GPC5: variants seen among roughly 807,000 people sequenced by gnomAD.
GPC5 encodes the protein glypican 5, also known as glypican-5.
Under a neutral mutation model 53.9 loss-of-function variants are expected in GPC5, and 47 were observed. That is an observed-to-expected ratio of 0.87 (90% CI 0.69 to 1.11). The LOEUF (loss-of-function observed/expected upper bound fraction) is 1.11. Ranked by LOEUF, GPC5 falls within the 50% of genes most tolerant of loss-of-function variation. The pLI, the probability that GPC5 is intolerant of heterozygous loss-of-function variation, is 0.00. For synonymous variants in GPC5, 286 were observed against 263.3 expected, an observed-to-expected ratio of 1.09 and a Z score of -0.84; for missense variants, 748 against 713.1, an observed-to-expected ratio of 1.05 and a Z score of -0.56.
intron 3 of GPC5, among the ~76,000 whole-genome samples, chr13:91,695,942 C>T (rs1201311837): frequency 6.6e-6 from 1 of 152,078 alleles, no homozygotes; most frequent in Non-Finnish European, 1.5e-5. Context: ...TAAAAGTTTG[C>T]AGTAGACAGG....
intron 2 of GPC5, among the ~76,000 whole-genome samples, chr13:91,557,971 G>T (rs73608345): frequency 0.025 from 3,786 of 152,204 alleles, 168 homozygotes; most frequent in African/African-American, 0.086. Flanking sequence ...AGTTTATTAA[G>T]CCTTTTGCAA....
At chr13:91,495,703 T>A (rs566788829) in intron 2 of GPC5, among the ~76,000 whole-genome samples, 1 of 152,374 alleles carries the variant, frequency 6.6e-6, no homozygotes, top group East Asian at 1.9e-4. Context: ...AGAACACTCC[T>A]TTCCAAAATA....
intron 6 of GPC5, among the ~76,000 whole-genome samples, chr13:92,085,224 TAAAG>T (rs2041326788): frequency 6.6e-6 from 1 of 152,172 alleles, no homozygotes; most frequent in East Asian, 1.9e-4. Flanking sequence ...GATTTGCTGA[TAAAG>T]AGAGAAATTG....
intron 7 of GPC5, among the ~76,000 whole-genome samples, chr13:92,226,627 T>A (rs941814960): frequency 1.3e-5 from 2 of 151,546 alleles, no homozygotes; most frequent in African/African-American, 4.9e-5. Context: ...TTTTTTCTTT[T>A]TTTCTTTTTT....
At chr13:91,728,687 C>A (rs1180099867) in intron 4 of GPC5, 22 bp downstream of exon 4, 2 of 1,592,450 alleles carry the variant, frequency 1.3e-6, no homozygotes, top group Non-Finnish European at 1.7e-6. Context: ...GTTTTACAAC[C>A]AGAAAGAGAA....
chr13:92,475,652 G>T (rs1270448258), intron 7 of GPC5, among the ~76,000 whole-genome samples: 1 of 152,144 alleles, frequency 6.6e-6, no homozygotes, highest in Non-Finnish European at 1.5e-5. Flanking sequence ...CAAGGCTACA[G>T]TAACCAAAAC....
At chr13:91,427,097 A>T (rs907090352) in intron 1 of GPC5, among the ~76,000 whole-genome samples, 4 of 152,172 alleles carry the variant, frequency 2.6e-5, no homozygotes, top group African/African-American at 9.7e-5. Flanking sequence ...GCAGAAATGG[A>T]GCCCTCGTGG....
intron 2 of GPC5, among the ~76,000 whole-genome samples, chr13:91,689,421 A>T (rs993810671): frequency 1.3e-5 from 2 of 149,678 alleles, no homozygotes; most frequent in South Asian, 4.2e-4. Context: ...GCTATACTAA[A>T]TTTATTTTAA....
intron 7 of GPC5, among the ~76,000 whole-genome samples, chr13:92,673,032 A>C (rs529793217): frequency 5.3e-5 from 8 of 152,290 alleles, no homozygotes; most frequent in African/African-American, 1.9e-4. Flanking sequence ...CCCCGAACCT[A>C]AAATAAAAGT....
intron 6 of GPC5, among the ~76,000 whole-genome samples, chr13:92,072,610 C>T (rs4773660): frequency 7.1e-6 from 1 of 140,724 alleles, no homozygotes; most frequent in Admixed American, 7.4e-5. Context: ...GTCTTACCCT[C>T]TTGCCCAGGC....
chr13:92,347,899 ATAATATATATAT>A lies in GPC5; in HGVS notation c.1561+202911_1561+202922del, dbSNP rs1566549916. ...AATATATATTATATATATTATATAT[ATAATATATATAT>A]AATATATATATATTATATATACATC... On this transcript the variant is annotated intron_variant, in intron 7 of 7. Transcript: ENST00000377067. Among the ~76,000 whole-genome samples, 7 of 12,018 alleles carry A rather than the reference ATAATATATATAT, an allele frequency of 5.8e-4. 3 individuals are homozygous for A. The highest frequency in any genetic ancestry group is 5.6e-3 in the African/African-American group (6 of 1,076). 7.9% of individuals were successfully genotyped at this position (12,018 alleles called of 152,430 possible).
chr13:92,639,143 A>G (rs755532692), intron 7 of GPC5, among the ~76,000 whole-genome samples: 2 of 152,162 alleles, frequency 1.3e-5, no homozygotes, highest in Non-Finnish European at 2.9e-5. Context: ...ATAGAGTAAT[A>G]CCAGTCACAG....
chr13:91,931,989 A>G (rs1346942677), intron 6 of GPC5, among the ~76,000 whole-genome samples: 1 of 152,014 alleles, frequency 6.6e-6, no homozygotes, highest in Admixed American at 6.6e-5. Context: ...TTATCTAACC[A>G]AAATATCACC....
Position 92,576,788 on chromosome 13 carries a change from C to T in GPC5, c.1562-289494C>T, listed in dbSNP as rs1376536590. Reference sequence around the variant, plus strand: ...AGTTCCAGCCCACATTGATCTCTTTCTCCAAAGACTTTATCTGTACTTATC... The same window carrying T: ...AGTTCCAGCCCACATTGATCTCTTTTTCCAAAGACTTTATCTGTACTTATC... On this transcript the variant is annotated intron_variant, in intron 7 of 7. Coordinates refer to ENST00000377067, the MANE Select transcript of GPC5 (RefSeq NM_004466.6). Among the ~76,000 whole-genome samples the T allele has an allele frequency of 1.3e-5, 2 of 152,146 alleles. 1 individual carries two copies. Among genetic ancestry groups the T allele is most frequent in the Non-Finnish European group, 2.9e-5 (2 of 68,014 alleles).
chr13:91,425,694 A>G (rs1878994102), intron 1 of GPC5, among the ~76,000 whole-genome samples: 1 of 152,198 alleles, frequency 6.6e-6, no homozygotes, highest in Non-Finnish European at 1.5e-5. Flanking sequence ...AGCAGTGTGA[A>G]AATTGATGAA....
rs566207491 is a variant in GPC5, at chr13:92,337,135, T to G, written c.1561+192146T>G. Reference sequence around the variant, plus strand: ...AGACGATACCACCTTCCTGTATAGCTCTAGTGAACAAATGTAATTTTAAAT... The same window carrying G: ...AGACGATACCACCTTCCTGTATAGCGCTAGTGAACAAATGTAATTTTAAAT... On this transcript the variant is annotated intron_variant, in intron 7 of 7. Transcript: ENST00000377067. Among the ~76,000 whole-genome samples, 14 of 151,610 alleles carry G rather than the reference T, an allele frequency of 9.2e-5. No individual in the cohort carries two copies. In the East Asian group the frequency reaches 2.7e-3, roughly 29 times the overall value.
intron 7 of GPC5, among the ~76,000 whole-genome samples, chr13:92,604,976 G>A (rs1482838679): frequency 1.3e-5 from 2 of 152,124 alleles, no homozygotes; most frequent in Non-Finnish European, 2.9e-5. Flanking sequence ...AAAGTATTCT[G>A]GAGCTTTCAG....
chr13:92,052,325 C>T (rs1405985674), intron 6 of GPC5, among the ~76,000 whole-genome samples: 10 of 152,146 alleles, frequency 6.6e-5, no homozygotes, highest in Admixed American at 2.6e-4. Flanking sequence ...CATGGACCTT[C>T]GCAGTGAGTG....
In GPC5 at chr13:92,501,299, A is replaced by G. The variant is rs138153048; in HGVS notation, c.1561+356310A>G. Among the ~76,000 whole-genome samples, 493 of 152,278 alleles carry G rather than the reference A, an allele frequency of 3.2e-3. 3 individuals are homozygous for G. Among genetic ancestry groups the G allele is most frequent in the East Asian group, 0.014 (70 of 5,182 alleles). ...AATAGAAGATACAAATGGAAAATGT[A>G]GCACTGAAAAAAATTACTGGATAGG... On this transcript the variant is annotated intron_variant, in intron 7 of 7. Transcript: ENST00000377067.
Sources: allele counts gnomAD v4.1 joint callset (sites outside exome capture counted in the v4.1 genomes callset), GRCh38; gene constraint gnomAD v4.1.1; transcripts MANE v1.5; gene names NCBI Gene and HGNC (gene_info 2026-07-23, HGNC 2026-07-21).